SMG7: variants seen among roughly 807,000 people sequenced by gnomAD.
SMG7 encodes the protein nonsense-mediated mRNA decay factor SMG7.
Under a neutral mutation model 148.2 loss-of-function variants are expected in SMG7, and 34 were observed. The observed-to-expected ratio is 0.23, with a 90% CI of 0.17 to 0.31. The LOEUF is 0.31. Among genes scored for constraint, SMG7 ranks in the 10% least tolerant of loss-of-function variants. The pLI is 1.00. For missense variants in SMG7, 1,114 were observed against 1,408.4 expected (o/e 0.79, Z 3.35); for synonymous variants, 492 against 515.1 (o/e 0.96, Z 0.61).
chr1:183,526,545 C>T (rs1156619052), intron 4 of SMG7, 51 bp from the exon 5 acceptor site: 2 of 1,279,454 alleles, frequency 1.6e-6, no homozygotes, highest in African/African-American at 3.0e-5. Flanking sequence ...ATAAACTTTA[C>T]TTTTAGAGCA....
rs759228302 is a variant in SMG7, at chr1:183,547,201, T to C, written c.2841T>C (p.Leu947=). 2 of 1,550,408 alleles carry C rather than the reference T, an allele frequency of 1.3e-6. No homozygotes were observed. The highest frequency in any genetic ancestry group is 1.2e-5 in the South Asian group (1 of 84,048). ...TGATTTTTTCTAACCCTCCTGATCTTTACCCGGCTCTGCTGGGGCCTCTCG... is the reference window on the plus strand; with the variant it reads ...TGATTTTTTCTAACCCTCCTGATCTCTACCCGGCTCTGCTGGGGCCTCTCG... ...EELIFSNPPD[L]YPALLGPLAS... Residue 947 remains leucine (L), a synonymous_variant, in exon 18 of 23, where the codon CTT becomes CTC. Coordinates refer to ENST00000688051, the MANE Select transcript of SMG7 (RefSeq NM_001375584.1).
rs940374048 is a variant in SMG7, at chr1:183,512,826, T to C, written c.30-11T>C. 1.1e-5 allele frequency: 17 copies of C among 1,582,380 alleles called. No homozygotes were observed. Among genetic ancestry groups the C allele is most frequent in the Middle Eastern group, 2.0e-4 (1 of 5,048 alleles). The stretch of plus-strand genomic sequence containing the variant: ...TGATACTCTTTTTTTTTTTTTTTTT[T>C]TTCTATCTAGGCAGGCAGAAGTCCT... On this transcript the variant is annotated splice_polypyrimidine_tract_variant and intron_variant, in intron 1 of 22. Coordinates refer to ENST00000688051, the MANE Select transcript of SMG7 (RefSeq NM_001375584.1).
intron 10 of SMG7, among the ~76,000 whole-genome samples, chr1:183,534,580 G>A (rs1417484005): frequency 6.6e-6 from 1 of 152,200 alleles, no homozygotes; most frequent in African/African-American, 2.4e-5. Flanking sequence ...GACCCTGTGG[G>A]CCAAGCACTG....
intron 1 of SMG7, among the ~76,000 whole-genome samples, chr1:183,493,650 C>T (rs566407599): frequency 3.8e-4 from 57 of 151,700 alleles, no homozygotes; most frequent in African/African-American, 1.3e-3. Context: ...GGCGCAATCT[C>T]GGCTGATTGC....
rs751032714 is a variant in SMG7, at chr1:183,542,256, T to G, written c.1596T>G (p.Asn532Lys). 1 of 1,614,080 alleles carries G rather than the reference T, an allele frequency of 6.2e-7. No homozygotes were observed. The highest frequency in any genetic ancestry group is 8.5e-7 in the Non-Finnish European group (1 of 1,179,988). ...AATCAGTGCTATCTACAAGCCGAAA[T>G]TTAAGCAACAACTGTGACACAGGAG... ...GLKSVLSTSR[N>K]LSNNCDTGEK... Residue 532 changes from asparagine (N) to lysine (K), a missense_variant, in exon 14 of 23, where the codon AAT (asparagine) becomes AAG (lysine). This residue lies in a region of SMG7 where 788 missense variants were observed against 894.5 expected (regional missense o/e 0.88). Transcript: ENST00000688051.
chr1:183,544,086 T>G (rs1459416773), intron 14 of SMG7, among the ~76,000 whole-genome samples: 2 of 152,186 alleles, frequency 1.3e-5, no homozygotes, highest in Non-Finnish European at 2.9e-5. Context: ...GTAAAACAAA[T>G]GGGCTCTAAG....
chr1:183,544,325 T>C, intron 14 of SMG7, 28 bp from the exon 15 acceptor site: 1 of 1,598,516 alleles, frequency 6.3e-7, no homozygotes, highest in East Asian at 2.2e-5. Context: ...CAATTTATTA[T>C]AGATAGTTTT....
chr1:183,547,375 A>G (rs76838422), intron 18 of SMG7, 123 bp downstream of exon 18: 9,359 of 932,948 alleles, frequency 0.01, 93 homozygotes, highest in Non-Finnish European at 0.011. Context: ...ACTGTAAAAC[A>G]TATTTTCTAA....
At chr1:183,529,306 G>T in intron 7 of SMG7, 92 bp from the exon 8 acceptor site, 5 of 1,397,882 alleles carry the variant, frequency 3.6e-6, no homozygotes, top group Non-Finnish European at 4.9e-6. Flanking sequence ...CAGCTCTTTT[G>T]TGTATCAAGT....
In SMG7 at chr1:183,538,380, C is replaced by T. The variant is rs759516722; in HGVS notation, c.1235C>T (p.Ala412Val). The change falls in exon 12 of 23, where the codon GCG (alanine) becomes GTG (valine). Residue 412 changes from alanine to valine, a missense_variant and splice_region_variant. Physicochemically the swap from Ala to Val is moderately conservative, Grantham distance 64. Coordinates refer to ENST00000688051, the MANE Select transcript of SMG7 (RefSeq NM_001375584.1). ...PHEEDLSSISATPLPEEFELQ... is the reference protein window; with the variant it reads ...PHEEDLSSISVTPLPEEFELQ... The stretch of plus-strand genomic sequence containing the variant: ...GCAAATTTTGATTTTGACCCTTTAG[C>T]GACACCACTTCCAGAGGAGTTTGAA... 27 of 1,611,098 alleles carry T rather than the reference C, an allele frequency of 1.7e-5. No individual in the cohort carries two copies. The highest frequency in any genetic ancestry group is 8.0e-5 in the African/African-American group (6 of 74,860).
chr1:183,520,606 G>T (rs1299657419), intron 4 of SMG7, among the ~76,000 whole-genome samples: 1 of 152,016 alleles, frequency 6.6e-6, no homozygotes, highest in Admixed American at 6.6e-5. Flanking sequence ...TGGCTCTGTT[G>T]GGGGGAGGGG....
At position 183,542,146 on chromosome 1, in the gene SMG7, G is replaced by A. The variant is rs1438898499; in HGVS notation, c.1486G>A (p.Asp496Asn). The A allele has an allele frequency of 6.2e-7, 1 of 1,613,778 alleles. No homozygotes were observed. The highest frequency in any genetic ancestry group is 8.5e-7 in the Non-Finnish European group (1 of 1,179,798). ...AGAAATCCCAGAATTAATACTGGAA[G>A]ACCCCAGTGAAGCCAAAGAGAACCT... The part of the protein sequence containing the change: ...ITEIPELILE[D>N]PSEAKENLIL... Residue 496 changes from aspartate to asparagine, a missense_variant, in exon 14 of 23, where the codon GAC becomes AAC. Transcript: ENST00000688051.
intron 1 of SMG7, among the ~76,000 whole-genome samples, chr1:183,493,731 G>A (rs1449914919): frequency 3.3e-5 from 5 of 152,100 alleles, no homozygotes; most frequent in Non-Finnish European, 7.4e-5. Context: ...ATAGGCACAC[G>A]CCACCACACC....
intron 4 of SMG7, among the ~76,000 whole-genome samples, chr1:183,525,411 G>A (rs572760985): frequency 1.2e-4 from 18 of 152,262 alleles, no homozygotes; most frequent in African/African-American, 3.1e-4. Context: ...GGGGTTGTGT[G>A]GAAGCCAGAT....
intron 7 of SMG7, 22 bp from the exon 8 acceptor site, chr1:183,529,376 G>C (rs771425510): frequency 2.5e-6 from 4 of 1,604,906 alleles, no homozygotes; most frequent in Non-Finnish European, 3.4e-6. Context: ...ATGATTCATG[G>C]AATTTTTTTC....
chr1:183,480,431 A>G (rs971832821), intron 1 of SMG7, among the ~76,000 whole-genome samples: 19 of 152,088 alleles, frequency 1.2e-4, no homozygotes, highest in African/African-American at 4.6e-4. Context: ...TATTGAAATT[A>G]CCATTTCCAA....
rs1452954720 is a variant in SMG7, at chr1:183,533,334, T to C, written c.1006+8T>C. On this transcript the variant is annotated splice_region_variant and intron_variant, in intron 9 of 22. Coordinates refer to ENST00000688051, the MANE Select transcript of SMG7 (RefSeq NM_001375584.1). ...AGTTGCTGGCCCTCTTTAGTGAGTATTGAATTACTTAACATGTGCCATCTT... is the reference window on the plus strand; with the variant it reads ...AGTTGCTGGCCCTCTTTAGTGAGTACTGAATTACTTAACATGTGCCATCTT... 10 of 1,609,284 alleles carry C rather than the reference T, an allele frequency of 6.2e-6. No individual in the cohort carries two copies. Among genetic ancestry groups the C allele is most frequent in the Non-Finnish European group, 7.6e-6 (9 of 1,177,768 alleles).
chr1:183,540,136 T>C (rs1668550435), intron 12 of SMG7, among the ~76,000 whole-genome samples: 1 of 152,192 alleles, frequency 6.6e-6, no homozygotes, highest in Non-Finnish European at 1.5e-5. Flanking sequence ...TTGTTCATGT[T>C]GTGCCTAGAA....
chr1:183,487,407 C>T (rs935802473), intron 1 of SMG7, among the ~76,000 whole-genome samples: 4 of 152,326 alleles, frequency 2.6e-5, no homozygotes, highest in Middle Eastern at 3.4e-3. Flanking sequence ...ATTCAATACA[C>T]TCTCCCTTTC....
Sources: allele counts gnomAD v4.1 joint callset (sites outside exome capture counted in the v4.1 genomes callset), GRCh38; gene constraint gnomAD v4.1.1; regional missense constraint gnomAD v4.1.1; transcripts MANE v1.5; gene names NCBI Gene and HGNC (gene_info 2026-07-23, HGNC 2026-07-21).